CNTNAP4: variants seen among roughly 807,000 people sequenced by gnomAD.
CNTNAP4 encodes contactin associated protein family member 4, also known as contactin-associated protein-like 4.
Under a neutral mutation model 148.4 loss-of-function variants are expected in CNTNAP4, and 98 were observed. The observed-to-expected ratio is 0.66, with a 90% confidence interval of 0.56 to 0.78. The LOEUF is 0.78. Ranked by LOEUF, CNTNAP4 falls within the 30% of genes least tolerant of loss-of-function variation. CNTNAP4 has a pLI of 0.00. For synonymous variants in CNTNAP4, 730 were observed against 565.1 expected (o/e 1.29, Z -4.14); for missense variants, 1,935 against 1,565.6 (o/e 1.24, Z -3.98).
intron 1 of CNTNAP4, among the ~76,000 whole-genome samples, chr16:76,304,500 C>T (rs1199480412): frequency 6.6e-6 from 1 of 152,146 alleles, no homozygotes; most frequent in South Asian, 2.1e-4. Flanking sequence ...GAGCCTGGAG[C>T]ATCCCCAAGG....
At chr16:76,335,248 A>G (rs1421575754) in intron 2 of CNTNAP4, among the ~76,000 whole-genome samples, 2 of 152,172 alleles carry the variant, frequency 1.3e-5, no homozygotes, top group Non-Finnish European at 2.9e-5. Flanking sequence ...ACATTCAGTG[A>G]CAATAATAAT....
chr16:76,499,750 T>G (rs2143884071), intron 15 of CNTNAP4, among the ~76,000 whole-genome samples: 1 of 150,286 alleles, frequency 6.7e-6, no homozygotes, highest in Non-Finnish European at 1.5e-5. Flanking sequence ...GATTAGGGAG[T>G]GGTGATGACT....
intron 3 of CNTNAP4, among the ~76,000 whole-genome samples, chr16:76,403,237 C>T (rs1361070055): frequency 6.6e-6 from 1 of 151,994 alleles, no homozygotes; most frequent in Admixed American, 6.6e-5. Flanking sequence ...GGACTACAGG[C>T]ACCTGCCACC....
intron 21 of CNTNAP4, among the ~76,000 whole-genome samples, chr16:76,547,317 A>T (rs2084779568): frequency 6.6e-6 from 1 of 152,234 alleles, no homozygotes; most frequent in African/African-American, 2.4e-5. Flanking sequence ...ATCTTATTAA[A>T]GTTGTATAAA....
chr16:76,393,625 A>G (rs2078100936), intron 3 of CNTNAP4, among the ~76,000 whole-genome samples: 1 of 151,988 alleles, frequency 6.6e-6, no homozygotes, highest in African/African-American at 2.4e-5. Context: ...GGGATGAAGC[A>G]GGCATCAGCA....
intron 15 of CNTNAP4, among the ~76,000 whole-genome samples, chr16:76,510,856 T>A (rs987872502): frequency 1.3e-5 from 2 of 152,112 alleles, no homozygotes; most frequent in African/African-American, 4.8e-5. Flanking sequence ...TGGACAGATT[T>A]CCTTTATTTT....
chr16:76,310,928 C>T (rs1292975902), intron 1 of CNTNAP4, among the ~76,000 whole-genome samples: 2 of 152,076 alleles, frequency 1.3e-5, no homozygotes, highest in East Asian at 3.9e-4. Context: ...GTCATGGGTC[C>T]TTAGGTAAAT....
At chr16:76,498,124 C>T (rs1460322697) in intron 14 of CNTNAP4, among the ~76,000 whole-genome samples, 1 of 152,178 alleles carries the variant, frequency 6.6e-6, no homozygotes, top group Non-Finnish European at 1.5e-5. Flanking sequence ...GGCCCAGTGG[C>T]TCACACCTGT....
intron 17 of CNTNAP4, among the ~76,000 whole-genome samples, chr16:76,527,992 A>G (rs1028111019): frequency 1.3e-5 from 2 of 152,176 alleles, no homozygotes; most frequent in Non-Finnish European, 2.9e-5. Context: ...AGTTTTGTTA[A>G]AAATGTACCT....
chr16:76,389,034 C>G (rs760205090), intron 3 of CNTNAP4, among the ~76,000 whole-genome samples: 3 of 152,002 alleles, frequency 2.0e-5, no homozygotes, highest in Non-Finnish European at 4.4e-5. Flanking sequence ...AAGCCAAAAC[C>G]TTATGTCATT....
intron 10 of CNTNAP4, among the ~76,000 whole-genome samples, chr16:76,468,820 G>C (rs1209935816): frequency 6.6e-6 from 1 of 152,104 alleles, no homozygotes; most frequent in Non-Finnish European, 1.5e-5. Flanking sequence ...CTATAGCTAA[G>C]TCATCTTGCC....
intron 4 of CNTNAP4, among the ~76,000 whole-genome samples, chr16:76,433,773 C>T (rs1400641740): frequency 6.6e-6 from 1 of 151,996 alleles, no homozygotes; most frequent in African/African-American, 2.4e-5. Flanking sequence ...TTGAGCAACT[C>T]CCACATGCTA....
intron 9 of CNTNAP4, among the ~76,000 whole-genome samples, chr16:76,466,508 T>C (rs1006070755): frequency 6.6e-6 from 1 of 152,144 alleles, no homozygotes; most frequent in Non-Finnish European, 1.5e-5. Flanking sequence ...AAATATCTCA[T>C]ATACCCACAT....
intron 23 of CNTNAP4, among the ~76,000 whole-genome samples, chr16:76,555,934 C>T (rs1374453432): frequency 6.6e-6 from 1 of 152,096 alleles, no homozygotes; most frequent in Non-Finnish European, 1.5e-5. Flanking sequence ...CTTGTCTGGG[C>T]CACACACAAT....
At chr16:76,308,198 C>T (rs919832416) in intron 1 of CNTNAP4, among the ~76,000 whole-genome samples, 1 of 151,924 alleles carries the variant, frequency 6.6e-6, no homozygotes, top group Non-Finnish European at 1.5e-5. Flanking sequence ...TATCTAAAAC[C>T]AGGATTCTCA....
At chr16:76,339,318 G>T (rs1170243528) in intron 2 of CNTNAP4, among the ~76,000 whole-genome samples, 1 of 151,976 alleles carries the variant, frequency 6.6e-6, no homozygotes, top group East Asian at 1.9e-4. Flanking sequence ...TCTCATTTCT[G>T]CCTCCTTCCT....
chr16:76,521,103 T>C, intron 15 of CNTNAP4, 37 bp from the exon 16 acceptor site: 1 of 1,508,134 alleles, frequency 6.6e-7, no homozygotes. Flanking sequence ...TTGTTTTCTT[T>C]CTGAATTTTT....
At chr16:76,391,590 C>G (rs2016999934) in intron 3 of CNTNAP4, among the ~76,000 whole-genome samples, 4 of 152,152 alleles carry the variant, frequency 2.6e-5, no homozygotes, top group Admixed American at 2.0e-4. Flanking sequence ...ATCAGACTCA[C>G]TTAAGAGCTT....
chr16:76,277,790 C>T, intron 1 of CNTNAP4, 43 bp downstream of exon 1: 1 of 1,219,132 alleles, frequency 8.2e-7, no homozygotes, highest in East Asian at 2.5e-5. Context: ...GGGGGGCTCT[C>T]TGCAAAACTT....
Sources: allele counts gnomAD v4.1 joint callset (sites outside exome capture counted in the v4.1 genomes callset), GRCh38; gene constraint gnomAD v4.1.1; transcripts MANE v1.5; gene names NCBI Gene and HGNC (gene_info 2026-07-23, HGNC 2026-07-21).